SGCG: variants seen among roughly 807,000 people sequenced by gnomAD.
SGCG encodes the protein sarcoglycan gamma.
In SGCG, 26 loss-of-function variants were observed where a neutral mutation model predicts 29.3. The observed-to-expected ratio is 0.89, with a 90% CI of 0.65 to 1.23. SGCG has a LOEUF of 1.23. Ranked by LOEUF, SGCG falls within the 50% of genes most tolerant of loss-of-function variation. The pLI is 0.00. For synonymous variants in SGCG, 145 were observed against 129.7 expected, an observed-to-expected ratio of 1.12 and a Z score of -0.80; for missense variants, 353 against 356.0, an observed-to-expected ratio of 0.99 and a Z score of 0.07.
intron 4 of SGCG, among the ~76,000 whole-genome samples, chr13:23,266,363 T>A (rs557908969): frequency 6.6e-6 from 1 of 152,228 alleles, no homozygotes; most frequent in East Asian, 1.9e-4. Context: ...TATTCAGCCA[T>A]GAAAAAGAGT....
At chr13:23,193,598 G>A (rs1176917281) in intron 1 of SGCG, among the ~76,000 whole-genome samples, 2 of 152,120 alleles carry the variant, frequency 1.3e-5, no homozygotes, top group Non-Finnish European at 2.9e-5. Context: ...GGACTGAGAT[G>A]GGAATAGAGA....
chr13:23,165,999 G>C, the SGCG span, among the ~76,000 whole-genome samples: 1 of 152,088 alleles, frequency 6.6e-6, no homozygotes, highest in Admixed American at 6.6e-5. Context: ...CACGGTTTTA[G>C]TTCTTCCTTT....
At chr13:23,273,185 T>C (rs1254050561) in intron 4 of SGCG, among the ~76,000 whole-genome samples, 1 of 118,384 alleles carries the variant, frequency 8.4e-6, no homozygotes, top group Non-Finnish European at 2.0e-5. Context: ...CGAACTTAGT[T>C]CTTTTTTTTT....
At chr13:23,314,304 T>C (rs184913871) in intron 6 of SGCG, among the ~76,000 whole-genome samples, 2 of 146,420 alleles carry the variant, frequency 1.4e-5, no homozygotes, top group East Asian at 2.1e-4. Flanking sequence ...ATATCTTACA[T>C]TGATGGACAT....
chr13:23,281,075 C>A (rs1045779781), intron 5 of SGCG, among the ~76,000 whole-genome samples: 1 of 152,132 alleles, frequency 6.6e-6, no homozygotes, highest in African/African-American at 2.4e-5. Flanking sequence ...TGGTTCACAC[C>A]TGTAATCCCA....
At chr13:23,223,113 T>C (rs992507772) in intron 2 of SGCG, among the ~76,000 whole-genome samples, 27 of 151,830 alleles carry the variant, frequency 1.8e-4, no homozygotes, top group African/African-American at 5.1e-4. Flanking sequence ...CCTGTCTCTA[T>C]TAAAAATACA....
At position 23,231,690 on chromosome 13, in the gene SGCG, GT is replaced by G. The variant is rs536175452; in HGVS notation, c.196-2919del. On this transcript the variant is annotated intron_variant, in intron 2 of 7. Transcript: ENST00000218867. The stretch of plus-strand genomic sequence containing the variant: ...TGATCGATTTTTATAATTTACTAAT[GT>G]TGGTTTAAGTTTATAAACTATATTA... Among the ~76,000 whole-genome samples, 272 of 152,240 alleles carry G rather than the reference GT, an allele frequency of 1.8e-3. 1 individual carries two copies. The highest frequency in any genetic ancestry group is 6.1e-3 in the African/African-American group (253 of 41,532).
chr13:23,216,702 T>C (rs750123287), intron 2 of SGCG, among the ~76,000 whole-genome samples: 3 of 152,150 alleles, frequency 2.0e-5, no homozygotes, highest in African/African-American at 2.4e-5. Context: ...TTGTCTAACA[T>C]TGACTTTTCT....
chr13:23,200,355 C>T (rs888810525), intron 1 of SGCG, among the ~76,000 whole-genome samples: 9 of 152,080 alleles, frequency 5.9e-5, no homozygotes, highest in African/African-American at 2.2e-4. Context: ...ACCCTGGAGG[C>T]GGAGGTTGCA....
At chr13:23,232,203 C>T (rs1187719683) in intron 2 of SGCG, among the ~76,000 whole-genome samples, 1 of 152,002 alleles carries the variant, frequency 6.6e-6, no homozygotes, top group Non-Finnish European at 1.5e-5. Context: ...CTTCCACATG[C>T]ACACTGCTAA....
intron 5 of SGCG, among the ~76,000 whole-genome samples, chr13:23,293,779 G>A (rs976829293): frequency 1.3e-5 from 2 of 151,706 alleles, no homozygotes; most frequent in African/African-American, 2.4e-5. Flanking sequence ...TGCAGTGAGC[G>A]GAGATCTTGC....
chr13:23,251,672 C>G (rs1449233908), intron 4 of SGCG, among the ~76,000 whole-genome samples: 2 of 151,946 alleles, frequency 1.3e-5, no homozygotes, highest in Non-Finnish European at 1.5e-5. Flanking sequence ...ACTGGGGAGT[C>G]TGAGACAGGG....
chr13:23,188,651 C>T (rs946603516), intron 1 of SGCG, among the ~76,000 whole-genome samples: 14 of 152,020 alleles, frequency 9.2e-5, no homozygotes, highest in African/African-American at 3.4e-4. Flanking sequence ...GTCGCATTCA[C>T]TCATCTAGTC....
At chr13:23,299,434 ATATATATATATATATATATATATT>A (rs1166418722) in intron 6 of SGCG, among the ~76,000 whole-genome samples, 1 of 7,272 alleles carries the variant, frequency 1.4e-4, no homozygotes, top group African/African-American at 3.5e-4. Flanking sequence ...ATATATATAT[ATATATATATATATATATATATATT>A]TTTTTTTTTT....
At chr13:23,170,948 C>T in the SGCG span, among the ~76,000 whole-genome samples, 1 of 152,048 alleles carries the variant, frequency 6.6e-6, no homozygotes, top group Non-Finnish European at 1.5e-5. Context: ...CCCATGATGT[C>T]GATTTGAAAG....
intron 6 of SGCG, among the ~76,000 whole-genome samples, chr13:23,319,756 C>T (rs1882964638): frequency 6.6e-6 from 1 of 152,102 alleles, no homozygotes; most frequent in Non-Finnish European, 1.5e-5. Context: ...TAAGCGTTTC[C>T]TTGAAATCAG....
At chr13:23,287,396 A>G (rs1284353380) in intron 5 of SGCG, among the ~76,000 whole-genome samples, 2 of 121,290 alleles carry the variant, frequency 1.6e-5, no homozygotes, top group Non-Finnish European at 4.0e-5. Context: ...TCTTGCAAGC[A>G]CAAAGAACTG....
chr13:23,232,912 G>A (rs1414715927), intron 2 of SGCG, among the ~76,000 whole-genome samples: 1 of 152,196 alleles, frequency 6.6e-6, no homozygotes, highest in African/African-American at 2.4e-5. Flanking sequence ...CTATCAAACA[G>A]AAAATACCAA....
chr13:23,193,837 A>G (rs1209586888), intron 1 of SGCG, among the ~76,000 whole-genome samples: 1 of 152,114 alleles, frequency 6.6e-6, no homozygotes, highest in East Asian at 1.9e-4. Flanking sequence ...AATTGAAGGA[A>G]GAGAAGAGAT....
Sources: gnomAD v4.1 joint callset for allele counts (sites outside exome capture counted in the v4.1 genomes callset) on GRCh38, gnomAD v4.1.1 for gene constraint, MANE v1.5 for transcripts, NCBI Gene and HGNC (gene_info 2026-07-23, HGNC 2026-07-21) for gene names.